PTPRB: variants seen among roughly 807,000 people sequenced by gnomAD.
The protein encoded by PTPRB is receptor-type tyrosine-protein phosphatase beta.
PTPRB carries 97 observed loss-of-function variants against 238.1 expected under a neutral mutation model. The observed-to-expected ratio is 0.41, with a 90% confidence interval of 0.35 to 0.48. PTPRB has a LOEUF of 0.48. Among genes scored for constraint, PTPRB ranks in the 20% least tolerant of loss-of-function variants. The pLI, the probability that PTPRB is intolerant of heterozygous loss-of-function variation, is 0.30. For synonymous variants in PTPRB, 970 were observed against 995.4 expected (o/e 0.97, Z 0.48); for missense variants, 2,292 against 2,681.9 (o/e 0.85, Z 3.21).
chr12:70,572,775 T>TAAA (rs10709963), intron 11 of PTPRB, among the ~76,000 whole-genome samples: 3,488 of 93,866 alleles, frequency 0.037, 137 homozygotes, highest in African/African-American at 0.11. Context: ...CTCCATCTCA[T>TAAA]AAAAAAAAAA....
intron 8 of PTPRB, among the ~76,000 whole-genome samples, chr12:70,587,484 G>A (rs1290036772): frequency 6.6e-6 from 1 of 152,190 alleles, no homozygotes; most frequent in Non-Finnish European, 1.5e-5. Context: ...CTTGCCAGAA[G>A]AGTCATTGAT....
intron 27 of PTPRB, 41 bp downstream of exon 27, chr12:70,538,883 C>G: frequency 6.7e-7 from 1 of 1,493,828 alleles, no homozygotes; most frequent in Non-Finnish European, 9.3e-7. Flanking sequence ...GCAGAAATGG[C>G]TAGAGGAAGA....
intron 21 of PTPRB, among the ~76,000 whole-genome samples, chr12:70,545,934 C>T (rs541712840): frequency 4.1e-4 from 62 of 152,226 alleles, no homozygotes; most frequent in African/African-American, 1.4e-3. Context: ...GTCAGGAGTT[C>T]GAGATCAGCC....
At position 70,539,484 on chromosome 12, in the gene PTPRB, G is replaced by T. The variant is rs534545305; in HGVS notation, c.5778+141C>A. On this transcript the variant is annotated intron_variant, in intron 26 of 33. Coordinates refer to ENST00000334414, the MANE Select transcript of PTPRB (RefSeq NM_001109754.4). ...ATATTCTATTCAGGGCATAGTTTAG[G>T]CATAAAAGAGTGCTCAGCTGAGATT... 30 of 669,982 alleles carry T rather than the reference G, an allele frequency of 4.5e-5. No individual in the cohort carries two copies. In the South Asian group the frequency reaches 5.5e-4, roughly 12 times the overall value. 41.5% of individuals were successfully genotyped at this position (669,982 alleles called of 1,614,324 possible).
chr12:70,595,273 G>C (rs748206421), intron 5 of PTPRB, among the ~76,000 whole-genome samples: 7 of 151,924 alleles, frequency 4.6e-5, no homozygotes, highest in South Asian at 4.2e-4. Flanking sequence ...ACAGGGAGGG[G>C]AACATCACAC....
At chr12:70,594,965 T>A (rs1882860417) in intron 5 of PTPRB, among the ~76,000 whole-genome samples, 1 of 152,122 alleles carries the variant, frequency 6.6e-6, no homozygotes, top group African/African-American at 2.4e-5. Context: ...TTAATAGGTA[T>A]TAAGGTGGCT....
Position 70,566,707 on chromosome 12 carries a change from G to T in PTPRB, c.3635-3C>A, listed in dbSNP as rs748905227. ...TACTCCTTGGACAGATGCTGGAACT[G>T]CAGAGAGACAAGTGGAGCAACAAAA... On this transcript the variant is annotated splice_polypyrimidine_tract_variant and splice_region_variant and intron_variant, in intron 14 of 33. Transcript: ENST00000334414. The T allele has an allele frequency of 3.7e-6, 6 of 1,610,390 alleles. No homozygotes were observed. The highest frequency in any genetic ancestry group is 5.1e-6 in the Non-Finnish European group (6 of 1,177,384).
intron 11 of PTPRB, among the ~76,000 whole-genome samples, chr12:70,574,305 G>A (rs1880449828): frequency 6.6e-6 from 1 of 152,162 alleles, no homozygotes; most frequent in African/African-American, 2.4e-5. Context: ...TTGTTGCCTT[G>A]TGTTTACTGA....
chr12:70,559,920 C>T (rs117410263), intron 17 of PTPRB, among the ~76,000 whole-genome samples: 3,561 of 150,740 alleles, frequency 0.024, 67 homozygotes, highest in Non-Finnish European at 0.034. Flanking sequence ...ACTGCAACCT[C>T]CGCTTCCCAG....
chr12:70,576,667 GGCGGGGGGGGGGGGGAA>G (rs1026268971), intron 10 of PTPRB, 22 bp from the exon 11 acceptor site: 2 of 281,206 alleles, frequency 7.1e-6, no homozygotes, highest in Non-Finnish European at 6.5e-6. Context: ...AAAGGTGGGG[GGCGGGGGGGGGGGGGAA>G]GGGGGATTCA....
intron 5 of PTPRB, among the ~76,000 whole-genome samples, chr12:70,595,488 A>C (rs1214815274): frequency 4.6e-5 from 7 of 152,084 alleles, no homozygotes. Flanking sequence ...ATTTAAGAAG[A>C]GAGAAAATGA....
In PTPRB at chr12:70,569,658, T is replaced by C; in HGVS notation, c.3634+17A>G. ...GAGGCATTCTACAATCTAGCCCTTCTCCAGGTGGATGCTTACCTGTCCGCC... is the reference window on the plus strand; with the variant it reads ...GAGGCATTCTACAATCTAGCCCTTCCCCAGGTGGATGCTTACCTGTCCGCC... On this transcript the variant is annotated intron_variant, in intron 14 of 33. Transcript: ENST00000334414. The C allele has an allele frequency of 6.2e-7, 1 of 1,613,228 alleles. No homozygotes were observed. Among genetic ancestry groups the C allele is most frequent in the South Asian group, 1.1e-5 (1 of 91,044 alleles).
intron 3 of PTPRB, among the ~76,000 whole-genome samples, chr12:70,615,236 G>C (rs536074999): frequency 9.9e-5 from 15 of 152,224 alleles, no homozygotes; most frequent in African/African-American, 3.6e-4. Context: ...ACATCCAAAT[G>C]ACCGTAAATT....
intron 3 of PTPRB, among the ~76,000 whole-genome samples, chr12:70,615,409 G>A (rs1029846882): frequency 6.6e-6 from 1 of 152,124 alleles, no homozygotes; most frequent in South Asian, 2.1e-4. Context: ...CTAACAGCAG[G>A]CTCCACTGTC....
intron 28 of PTPRB, 37 bp downstream of exon 28, chr12:70,538,118 C>A: frequency 1.9e-6 from 3 of 1,560,844 alleles, no homozygotes; most frequent in Non-Finnish European, 1.8e-6. Flanking sequence ...CCCACCAAAG[C>A]CTCATCCTGA....
At chr12:70,546,245 C>G (rs962237267) in intron 21 of PTPRB, among the ~76,000 whole-genome samples, 1 of 152,144 alleles carries the variant, frequency 6.6e-6, no homozygotes, top group Non-Finnish European at 1.5e-5. Flanking sequence ...CCAGCTGACA[C>G]TGGCATTATT....
Position 70,520,281 on chromosome 12 carries a change from A to G in PTPRB, c.*1208T>C. The G allele has an allele frequency of 2.2e-6, 1 of 444,604 alleles. No homozygotes were observed. The highest frequency in any genetic ancestry group is 4.5e-6 in the Non-Finnish European group (1 of 224,340). 27.5% of individuals were successfully genotyped at this position (444,604 alleles called of 1,614,324 possible). A position where few individuals can be genotyped will look rare whatever the true frequency, so the allele number is the denominator to read the frequency against. ...GTTATAGTCAAAGTAAGTAAGGCACAAATATTGAAGATAAACTTGGTACAG... is the reference window on the plus strand; with the variant it reads ...GTTATAGTCAAAGTAAGTAAGGCACGAATATTGAAGATAAACTTGGTACAG... On this transcript the variant is annotated 3_prime_UTR_variant, in exon 34 of 34. Coordinates refer to ENST00000334414, the MANE Select transcript of PTPRB (RefSeq NM_001109754.4).
chr12:70,584,900 A>T (rs1384612084), intron 9 of PTPRB: 1 of 152,060 alleles, frequency 6.6e-6, no homozygotes. Flanking sequence ...TTTTTGTGGG[A>T]TCAAAAGAGG....
intron 2 of PTPRB, among the ~76,000 whole-genome samples, chr12:70,623,915 T>C (rs1450960163): frequency 2.6e-5 from 4 of 152,120 alleles, no homozygotes; most frequent in African/African-American, 9.7e-5. Context: ...TTTCGTATGA[T>C]AATGGATGTA....
Sources: allele counts gnomAD v4.1 joint callset (sites outside exome capture counted in the v4.1 genomes callset), GRCh38; gene constraint gnomAD v4.1.1; transcripts MANE v1.5; gene names NCBI Gene and HGNC (gene_info 2026-07-23, HGNC 2026-07-21).